Variants in TNFSF4 observed in about 807,000 individuals in gnomAD.
TNFSF4 encodes tumor necrosis factor ligand superfamily member 4.
TNFSF4 carries 4 observed loss-of-function variants against 7.3 expected under a neutral mutation model. That is an observed-to-expected ratio of 0.55 (90% CI 0.27 to 1.25). TNFSF4 has a LOEUF of 1.25. TNFSF4 is among the 50% of genes most tolerant of loss of function. TNFSF4 has a pLI of 0.12. For synonymous variants in TNFSF4, 76 were observed against 83.7 expected (o/e 0.91, Z 0.50); for missense variants, 181 against 208.8 (o/e 0.87, Z 0.82).
the TNFSF4 span, among the ~76,000 whole-genome samples, chr1:173,330,640 C>G: frequency 6.6e-6 from 1 of 151,968 alleles, no homozygotes; most frequent in African/African-American, 2.4e-5. Context: ...TAGGTCCTAA[C>G]TGGATATTAA....
the TNFSF4 span, among the ~76,000 whole-genome samples, chr1:173,366,872 C>T: frequency 6.6e-6 from 1 of 152,070 alleles, no homozygotes; most frequent in Admixed American, 6.6e-5. Flanking sequence ...GTATGTGATG[C>T]AGTATAACTA....
chr1:173,249,163 A>G, the TNFSF4 span, among the ~76,000 whole-genome samples: 4 of 152,212 alleles, frequency 2.6e-5, no homozygotes, highest in African/African-American at 7.2e-5. Context: ...GGCTGGGACA[A>G]CTGAATTCAT....
the TNFSF4 span, among the ~76,000 whole-genome samples, chr1:173,296,417 A>T: frequency 2.6e-5 from 4 of 152,030 alleles, 1 homozygote; most frequent in Non-Finnish European, 5.9e-5. Context: ...GCCTTCAAGG[A>T]GCTTACAATA....
chr1:173,225,676 A>T, the TNFSF4 span, among the ~76,000 whole-genome samples: 1 of 152,246 alleles, frequency 6.6e-6, no homozygotes, highest in Non-Finnish European at 1.5e-5. Context: ...AATACTGAGG[A>T]CTAGCTTCCC....
chr1:173,405,727 A>G, the TNFSF4 span, among the ~76,000 whole-genome samples: 11 of 152,252 alleles, frequency 7.2e-5, no homozygotes, highest in Admixed American at 5.2e-4. Context: ...TTCAAAGATT[A>G]CATAAAAAGA....
At chr1:173,300,099 GTAGATAGATAGATAGA>G in the TNFSF4 span, among the ~76,000 whole-genome samples, 1,548 of 147,830 alleles carry the variant, frequency 0.01, 20 homozygotes, top group African/African-American at 0.025. Context: ...AAAATAGATG[GTAGATAGATAGATAGA>G]TAGATAGATA....
rs192631148 is a variant in TNFSF4, at chr1:173,199,763, A to T, written c.153+7261T>A. On this transcript the variant is annotated intron_variant, in intron 1 of 2. Coordinates refer to ENST00000281834, the MANE Select transcript of TNFSF4 (RefSeq NM_003326.5). ...TATTTGTATAGAGTGTGCAAATTACACTATCACTTAAGTAATTCTTTGAAT... is the reference window on the plus strand; with the variant it reads ...TATTTGTATAGAGTGTGCAAATTACTCTATCACTTAAGTAATTCTTTGAAT... Among the ~76,000 whole-genome samples the T allele has an allele frequency of 3.0e-3, 452 of 152,336 alleles. 2 individuals are homozygous for T. Among genetic ancestry groups the T allele is most frequent in the Non-Finnish European group, 5.3e-3 (358 of 68,038 alleles).
the TNFSF4 span, among the ~76,000 whole-genome samples, chr1:173,213,427 T>C: frequency 6.6e-6 from 1 of 152,182 alleles, no homozygotes; most frequent in African/African-American, 2.4e-5. Flanking sequence ...TGCCACACCA[T>C]TATAGAAAGC....
At chr1:173,382,878 AC>A in the TNFSF4 span, among the ~76,000 whole-genome samples, 3 of 139,250 alleles carry the variant, frequency 2.2e-5, no homozygotes, top group African/African-American at 5.4e-5. Context: ...CTGTTTTCAC[AC>A]ACACACACAC....
At chr1:173,378,099 A>G in the TNFSF4 span, among the ~76,000 whole-genome samples, 1 of 152,186 alleles carries the variant, frequency 6.6e-6, no homozygotes, top group Non-Finnish European at 1.5e-5. Flanking sequence ...TGCATCAGTA[A>G]GGGCGACTAA....
At chr1:173,346,669 A>G in the TNFSF4 span, among the ~76,000 whole-genome samples, 1 of 152,198 alleles carries the variant, frequency 6.6e-6, no homozygotes, top group Non-Finnish European at 1.5e-5. Flanking sequence ...AAAAGAAAGG[A>G]TGCAGTGGAG....
chr1:173,186,163 TCAA>T lies in TNFSF4; in HGVS notation c.*350_*352del, dbSNP rs1649216864. ...AGCAAATGGTAGTCAGGTACCGTTT[TCAA>T]TGACATAAGTTTATTATGACAATTG... On this transcript the variant is annotated 3_prime_UTR_variant, in exon 3 of 3. Coordinates refer to ENST00000281834, the MANE Select transcript of TNFSF4 (RefSeq NM_003326.5). 5.3e-6 allele frequency: 1 copy of T among 189,528 alleles called. No homozygotes were observed. Among genetic ancestry groups the T allele is most frequent in the African/African-American group, 2.3e-5 (1 of 42,612 alleles). The allele number at this position is 189,528 out of a possible 1,614,324, so 11.7% of individuals were successfully genotyped here.
chr1:173,323,079 G>T, the TNFSF4 span, among the ~76,000 whole-genome samples: 25 of 152,328 alleles, frequency 1.6e-4, no homozygotes, highest in African/African-American at 5.5e-4. Context: ...AGAATGGGCA[G>T]GCTGCCTCCT....
At chr1:173,352,089 A>G in the TNFSF4 span, 1 of 285,396 alleles carries the variant, frequency 3.5e-6, no homozygotes, top group Admixed American at 4.9e-5. Context: ...ATTGAGTTTT[A>G]GGCACACTGG....
chr1:173,201,497 T>C (rs1374059519), intron 1 of TNFSF4, among the ~76,000 whole-genome samples: 17 of 152,220 alleles, frequency 1.1e-4, no homozygotes. Context: ...TGTTCATGGA[T>C]AATGATAATA....
chr1:173,431,140 T>A, the TNFSF4 span, among the ~76,000 whole-genome samples: 4 of 152,216 alleles, frequency 2.6e-5, no homozygotes, highest in Non-Finnish European at 5.9e-5. Flanking sequence ...AATATTTTGT[T>A]GTTGTAGACC....
At chr1:173,379,127 C>A in the TNFSF4 span, among the ~76,000 whole-genome samples, 3 of 152,096 alleles carry the variant, frequency 2.0e-5, no homozygotes, top group Non-Finnish European at 4.4e-5. Flanking sequence ...GAAAAGAATG[C>A]GGCTTTAGCT....
At chr1:173,271,664 G>A in the TNFSF4 span, among the ~76,000 whole-genome samples, 5 of 152,252 alleles carry the variant, frequency 3.3e-5, no homozygotes, top group African/African-American at 9.6e-5. Flanking sequence ...TCTCACACCA[G>A]TTAGAATGGC....
the TNFSF4 span, among the ~76,000 whole-genome samples, chr1:173,417,309 C>A: frequency 3.3e-5 from 5 of 152,140 alleles, no homozygotes; most frequent in African/African-American, 1.2e-4. Context: ...TCATAAGGTT[C>A]GTGTGAGGGT....
Sources: allele counts gnomAD v4.1 joint callset (sites outside exome capture counted in the v4.1 genomes callset), GRCh38; gene constraint gnomAD v4.1.1; transcripts MANE v1.5; gene names NCBI Gene and HGNC (gene_info 2026-07-23, HGNC 2026-07-21).